Variants in ITGA1 observed in about 807,000 individuals in gnomAD.
ITGA1 encodes integrin alpha-1.
A neutral mutation model predicts 145.9 loss-of-function variants in ITGA1; 85 were observed. The ratio of observed to expected loss-of-function variants is 0.58; its 90% CI spans 0.49 to 0.70. ITGA1 has a LOEUF of 0.70. Ranked by LOEUF, ITGA1 falls within the 30% of genes least tolerant of loss-of-function variation. The pLI, the probability that ITGA1 is intolerant of heterozygous loss-of-function variation, is 0.00. For missense variants in ITGA1, 1,351 were observed against 1,418.7 expected, an observed-to-expected ratio of 0.95 and a Z score of 0.77; for synonymous variants, 520 against 495.3, an observed-to-expected ratio of 1.05 and a Z score of -0.66.
In ITGA1 at chr5:52,959,155, G is replaced by T. The variant is rs1417506381; in HGVS notation, c.*6704G>T. ...CATCAGCTGTGTATTTTACGTCAAGGTAAATGAGCATCCTGTTTTATATGT... is the reference window on the plus strand; with the variant it reads ...CATCAGCTGTGTATTTTACGTCAAGTTAAATGAGCATCCTGTTTTATATGT... On this transcript the variant is annotated 3_prime_UTR_variant, in exon 29 of 29. Coordinates refer to ENST00000282588, the MANE Select transcript of ITGA1 (RefSeq NM_181501.2). 1 of 152,028 alleles carries T rather than the reference G, an allele frequency of 6.6e-6. No homozygotes were observed. The highest frequency in any genetic ancestry group is 1.5e-5 in the Non-Finnish European group (1 of 67,990). 9.4% of individuals were successfully genotyped at this position (152,028 alleles called of 1,614,324 possible).
intron 1 of ITGA1, among the ~76,000 whole-genome samples, chr5:52,810,787 G>A (rs1298158649): frequency 1.3e-5 from 2 of 152,004 alleles, no homozygotes; most frequent in Non-Finnish European, 2.9e-5. Flanking sequence ...AATTTTTCCT[G>A]TCTTTCTGGG....
At chr5:52,915,432 C>T (rs767287376) in intron 14 of ITGA1, 32 bp from the exon 15 acceptor site, 2 of 1,606,558 alleles carry the variant, frequency 1.2e-6, no homozygotes, top group Non-Finnish European at 1.7e-6. Context: ...AGACTCTTCT[C>T]ATATGAAACT....
chr5:52,851,033 G>T (rs1418644705), intron 2 of ITGA1, among the ~76,000 whole-genome samples: 1 of 152,154 alleles, frequency 6.6e-6, no homozygotes, highest in African/African-American at 2.4e-5. Flanking sequence ...ACATATAAAA[G>T]TTAATTTTCA....
chr5:52,832,811 G>GTGTGTC (rs1749095403), intron 1 of ITGA1, among the ~76,000 whole-genome samples: 2 of 143,014 alleles, frequency 1.4e-5, no homozygotes, highest in African/African-American at 5.3e-5. Flanking sequence ...GTGTGTGTGT[G>GTGTGTC]TCTTCTGGTG....
Position 52,887,804 on chromosome 5 carries a change from G to C in ITGA1, c.774-11G>C. 1 of 1,605,262 alleles carries C rather than the reference G, an allele frequency of 6.2e-7. No individual in the cohort carries two copies. On this transcript the variant is annotated splice_polypyrimidine_tract_variant and intron_variant, in intron 7 of 28. Coordinates refer to ENST00000282588, the MANE Select transcript of ITGA1 (RefSeq NM_181501.2). The stretch of plus-strand genomic sequence containing the variant: ...TCTTATCAACCTCTCTTTTGTTTGT[G>C]ATTACTTTAGAAAGGAGGCATTCAC...
chr5:52,917,318 T>C (rs932476190), intron 15 of ITGA1, among the ~76,000 whole-genome samples: 1 of 152,332 alleles, frequency 6.6e-6, no homozygotes, highest in Non-Finnish European at 1.5e-5. Flanking sequence ...TCTTTATCAA[T>C]AAGTGTTTAA....
chr5:52,818,546 T>C (rs533607996), intron 1 of ITGA1, among the ~76,000 whole-genome samples: 1 of 152,338 alleles, frequency 6.6e-6, no homozygotes, highest in South Asian at 2.1e-4. Context: ...CCCTCAGTGG[T>C]TTTGTAACTA....
intron 12 of ITGA1, among the ~76,000 whole-genome samples, chr5:52,906,313 A>G (rs568251812): frequency 1.3e-5 from 2 of 152,298 alleles, no homozygotes; most frequent in African/African-American, 4.8e-5. Context: ...GATAGGTAGA[A>G]AGAGCAGTGA....
At position 52,813,785 on chromosome 5, in the gene ITGA1, T is replaced by C. The variant is rs1421012810; in HGVS notation, c.61+25371T>C. Among the ~76,000 whole-genome samples, 4 of 152,220 alleles carry C rather than the reference T, an allele frequency of 2.6e-5. 1 individual carries two copies. The South Asian group carries it at 6.2e-4, about 24-fold the overall frequency. On this transcript the variant is annotated intron_variant, in intron 1 of 28. Coordinates refer to ENST00000282588, the MANE Select transcript of ITGA1 (RefSeq NM_181501.2). The stretch of plus-strand genomic sequence containing the variant: ...CTCCTCCTCTCATTCACATCTCCTA[T>C]GTACCTTCCCCAACCAGGAGGAATT...
chr5:52,892,428 A>C (rs1405921124), intron 8 of ITGA1, among the ~76,000 whole-genome samples: 1 of 152,218 alleles, frequency 6.6e-6, no homozygotes, highest in Non-Finnish European at 1.5e-5. Flanking sequence ...ATTACTGTGG[A>C]AAGCAGTTTG....
At chr5:52,807,057 A>G (rs1246191749) in intron 1 of ITGA1, among the ~76,000 whole-genome samples, 1 of 151,774 alleles carries the variant, frequency 6.6e-6, no homozygotes, top group Non-Finnish European at 1.5e-5. Context: ...CTACATTAAA[A>G]CCCCATTCTT....
chr5:52,915,648 C>G, intron 15 of ITGA1, 54 bp downstream of exon 15: 4 of 1,598,410 alleles, frequency 2.5e-6, no homozygotes. Flanking sequence ...TTGCAGAGCT[C>G]CCAGTGTGAT....
chr5:52,831,753 C>A (rs760169972), intron 1 of ITGA1, among the ~76,000 whole-genome samples: 1 of 28,696 alleles, frequency 3.5e-5, no homozygotes, highest in East Asian at 3.8e-4. Context: ...GACCTTCTAC[C>A]TTTCCTTTCA....
Position 52,831,098 on chromosome 5 carries a change from A to G in ITGA1, c.62-18267A>G, listed in dbSNP as rs576880683. On this transcript the variant is annotated intron_variant, in intron 1 of 28. Transcript: ENST00000282588. ...AGAGACCTTTTAGGAAGTTTTTTAC[A>G]TAGGAATCACCTGTCTAATCAACTA... Among the ~76,000 whole-genome samples, 13 of 152,072 alleles carry G rather than the reference A, an allele frequency of 8.5e-5. No individual in the cohort carries two copies. The South Asian group carries it at 1.2e-3, about 15-fold the overall frequency.
At chr5:52,950,663 C>T (rs1751205442) in intron 28 of ITGA1, among the ~76,000 whole-genome samples, 1 of 152,228 alleles carries the variant, frequency 6.6e-6, no homozygotes, top group Admixed American at 6.5e-5. Flanking sequence ...TGCCACTCAA[C>T]TTCTCTTAAA....
rs1296821230 is a variant in ITGA1, at chr5:52,863,616, A to G, written c.296-1147A>G. Among the ~76,000 whole-genome samples the G allele has an allele frequency of 3.3e-5, 5 of 151,858 alleles. No individual in the cohort carries two copies. The East Asian group carries it at 9.6e-4, about 29-fold the overall frequency. The stretch of plus-strand genomic sequence containing the variant: ...GTGCCTTCAGGTGATTGTTTCATGT[A>G]TTTTTTTTAATTCTTCCTAGAATTT... On this transcript the variant is annotated intron_variant, in intron 3 of 28. Coordinates refer to ENST00000282588, the MANE Select transcript of ITGA1 (RefSeq NM_181501.2).
chr5:52,814,609 T>C (rs1320972086), intron 1 of ITGA1, among the ~76,000 whole-genome samples: 5 of 152,122 alleles, frequency 3.3e-5, no homozygotes, highest in Non-Finnish European at 5.9e-5. Context: ...TTATCTGACT[T>C]TTTTTTCTGA....
intron 13 of ITGA1, 56 bp downstream of exon 13, chr5:52,909,097 T>G: frequency 6.5e-7 from 1 of 1,544,044 alleles, no homozygotes; most frequent in Non-Finnish European, 8.7e-7. Flanking sequence ...TCTCTTCATT[T>G]TTTAATAATA....
intron 6 of ITGA1, among the ~76,000 whole-genome samples, chr5:52,871,009 C>T (rs1436143617): frequency 6.6e-6 from 1 of 152,138 alleles, no homozygotes; most frequent in Non-Finnish European, 1.5e-5. Context: ...TACCTCTGTC[C>T]CTGGAAGGTC....
Sources: allele counts gnomAD v4.1 joint callset (sites outside exome capture counted in the v4.1 genomes callset), GRCh38; gene constraint gnomAD v4.1.1; transcripts MANE v1.5; gene names NCBI Gene and HGNC (gene_info 2026-07-23, HGNC 2026-07-21).